Variants in PKHD1 observed in about 807,000 individuals in gnomAD.
PKHD1 encodes the protein fibrocystin.
PKHD1 carries 291 observed loss-of-function variants against 412.0 expected under a neutral mutation model. The observed-to-expected ratio is 0.71, with a 90% confidence interval of 0.64 to 0.78. The LOEUF is 0.78. Ranked by LOEUF, PKHD1 falls within the 30% of genes least tolerant of loss-of-function variation. The pLI is 0.00. For synonymous variants in PKHD1, 1,777 were observed against 1,821.5 expected (o/e 0.98, Z 0.62); for missense variants, 4,825 against 4,950.7 (o/e 0.97, Z 0.76).
Position 52,043,004 on chromosome 6 carries a change from C to G in PKHD1, c.2952G>C (p.Gln984His). ...GCATTCCAACAGGTAGCAAATCTGT[C>G]TGACAGACTACATTGGTCTGGTTTG... Reference protein sequence around the residue: ...IFSNQTNVVCQTDLLPVGMHR... With the variant: ...IFSNQTNVVCHTDLLPVGMHR... Residue 984 changes from glutamine (Q) to histidine (H), a missense_variant, in exon 27 of 67, where the codon CAG becomes CAC. Physicochemically the swap from Gln to His is conservative, Grantham distance 24. Transcript: ENST00000371117. The G allele has an allele frequency of 6.2e-7, 1 of 1,614,098 alleles. No individual in the cohort carries two copies. The highest frequency in any genetic ancestry group is 8.5e-7 in the Non-Finnish European group (1 of 1,179,948).
At chr6:51,815,676 C>T (rs74971008) in intron 52 of PKHD1, among the ~76,000 whole-genome samples, 4,072 of 152,228 alleles carry the variant, frequency 0.027, 186 homozygotes, top group African/African-American at 0.093. Context: ...CGTTTGAAAT[C>T]GACTCTGAAA....
intron 55 of PKHD1, among the ~76,000 whole-genome samples, chr6:51,771,484 T>C (rs1337263105): frequency 1.3e-5 from 2 of 151,956 alleles, no homozygotes; most frequent in African/African-American, 4.8e-5. Context: ...CTGGGCATGG[T>C]GGTGTGTGCC....
At chr6:52,036,363 C>T (rs1381283047) in intron 27 of PKHD1, among the ~76,000 whole-genome samples, 1 of 152,242 alleles carries the variant, frequency 6.6e-6, no homozygotes, top group African/African-American at 2.4e-5. Context: ...CACAGAAATC[C>T]CCATTTCTTC....
At chr6:51,706,449 T>TTA (rs751156110) in intron 60 of PKHD1, among the ~76,000 whole-genome samples, 24 of 148,834 alleles carry the variant, frequency 1.6e-4, no homozygotes, top group Admixed American at 6.8e-4. Context: ...AAGGATAACT[T>TTA]TATATATATA....
At chr6:51,899,967 G>C (rs1780948315) in intron 43 of PKHD1, among the ~76,000 whole-genome samples, 1 of 152,062 alleles carries the variant, frequency 6.6e-6, no homozygotes, top group African/African-American at 2.4e-5. Context: ...CAAGGGATGT[G>C]AAGGACCTCT....
intron 60 of PKHD1, among the ~76,000 whole-genome samples, chr6:51,722,271 T>C (rs952624967): frequency 6.6e-6 from 1 of 152,180 alleles, no homozygotes; most frequent in Non-Finnish European, 1.5e-5. Context: ...CTTACATTGC[T>C]TTATATTACA....
chr6:51,995,158 C>G (rs1455424420), intron 35 of PKHD1, among the ~76,000 whole-genome samples: 1 of 152,080 alleles, frequency 6.6e-6, no homozygotes, highest in African/African-American at 2.4e-5. Flanking sequence ...GAAGCACTGC[C>G]TGTCATGTAA....
rs146860963 is a variant in PKHD1 at position 51,835,357 on chromosome 6, A to G, written c.8173+1047T>C. Among the ~76,000 whole-genome samples the G allele has an allele frequency of 2.2e-4, 33 of 152,344 alleles. No homozygotes were observed. In the East Asian group the frequency reaches 2.5e-3, roughly 12 times the overall value. ...AGCAAATCAAATCTCTCCTTGGAGA[A>G]TTTGAACATAGAAACTTTCAAAGAA... On this transcript the variant is annotated intron_variant, in intron 51 of 66. Transcript: ENST00000371117.
Position 52,033,124 on chromosome 6 carries a change from C to T in PKHD1, c.3270G>A (p.Gly1090=), listed in dbSNP as rs1225705824. ...CTCTGGGAAGAACTGCAGAATAGTC[C>T]CCTCTGATCACAGTCACATTCACAA... The part of the protein sequence containing the change: ...GRIVNVTVIR[G]DYSAVLPRAF... Residue 1090 remains glycine, a synonymous_variant, in exon 29 of 67, where the codon GGG becomes GGA. Transcript: ENST00000371117. The T allele has an allele frequency of 1.2e-6, 2 of 1,611,324 alleles. No individual in the cohort carries two copies. The highest frequency in any genetic ancestry group is 1.7e-6 in the Non-Finnish European group (2 of 1,177,732).
At chr6:52,067,012 A>G (rs1175486450) in intron 11 of PKHD1, among the ~76,000 whole-genome samples, 1 of 152,204 alleles carries the variant, frequency 6.6e-6, no homozygotes, top group Non-Finnish European at 1.5e-5. Context: ...TCAAGCTTTG[A>G]CATTTCTAAG....
At chr6:51,774,569 T>C (rs1790687354) in intron 54 of PKHD1, among the ~76,000 whole-genome samples, 1 of 151,836 alleles carries the variant, frequency 6.6e-6, no homozygotes, top group South Asian at 2.1e-4. Context: ...ATAAAATAAA[T>C]AGCATGCATG....
At chr6:51,854,227 C>T (rs1481199151) in intron 49 of PKHD1, among the ~76,000 whole-genome samples, 1 of 151,792 alleles carries the variant, frequency 6.6e-6, no homozygotes, top group Non-Finnish European at 1.5e-5. Context: ...CACTTCAGGC[C>T]CTATTCATCT....
rs12527920 is a variant in PKHD1, at chr6:51,831,038, C to T, written c.8174-49G>A. The T allele has an allele frequency of 2.8e-6, 4 of 1,442,040 alleles. No homozygotes were observed. In the South Asian group the frequency reaches 4.7e-5, roughly 17 times the overall value. 89.3% of individuals were successfully genotyped at this position (1,442,040 alleles called of 1,614,324 possible). On this transcript the variant is annotated intron_variant, in intron 51 of 66. Coordinates refer to ENST00000371117, the MANE Select transcript of PKHD1 (RefSeq NM_138694.4). ...AAAATCTAATCCATTGTGATAACTTCCAAATTCTATCCTTATTTTAGGATG... is the reference window on the plus strand; with the variant it reads ...AAAATCTAATCCATTGTGATAACTTTCAAATTCTATCCTTATTTTAGGATG...
intron 47 of PKHD1, among the ~76,000 whole-genome samples, chr6:51,868,593 G>C (rs917787532): frequency 2.6e-5 from 4 of 151,256 alleles, no homozygotes. Context: ...CTCTGGTCTA[G>C]TGGGAAATAG....
chr6:51,799,891 C>G (rs1401185672), intron 52 of PKHD1, among the ~76,000 whole-genome samples: 1 of 152,144 alleles, frequency 6.6e-6, no homozygotes, highest in Non-Finnish European at 1.5e-5. Context: ...GATGGACCAC[C>G]TCTAATTTAA....
chr6:51,990,457 T>C (rs1474642608), intron 35 of PKHD1, among the ~76,000 whole-genome samples: 1 of 152,176 alleles, frequency 6.6e-6, no homozygotes, highest in East Asian at 1.9e-4. Context: ...TCATAATAAA[T>C]CAGGGCAAGA....
At chr6:51,760,631 T>C (rs1787844454) in intron 55 of PKHD1, among the ~76,000 whole-genome samples, 1 of 152,056 alleles carries the variant, frequency 6.6e-6, no homozygotes, top group South Asian at 2.1e-4. Context: ...CAAAAGTTGT[T>C]GTAGAGAGCC....
rs748020913 is a variant in PKHD1 at position 51,744,376 on chromosome 6, A to G, written c.10156+9T>C. On this transcript the variant is annotated intron_variant, in intron 60 of 66. Transcript: ENST00000371117. The stretch of plus-strand genomic sequence containing the variant: ...TCTACCACAGGCATTGCATTCAGAT[A>G]TAGCTTACCTGCGTTGAAGAAGGAT... 2 of 1,612,894 alleles carry G rather than the reference A, an allele frequency of 1.2e-6. No individual in the cohort carries two copies. Among genetic ancestry groups the G allele is most frequent in the Non-Finnish European group, 1.7e-6 (2 of 1,178,926 alleles).
chr6:51,703,496 G>A (rs1237564328), intron 60 of PKHD1, among the ~76,000 whole-genome samples: 5 of 151,968 alleles, frequency 3.3e-5, no homozygotes, highest in Admixed American at 2.6e-4. Flanking sequence ...GCACTAAAAT[G>A]AGGATTGACA....
Sources: allele counts gnomAD v4.1 joint callset (sites outside exome capture counted in the v4.1 genomes callset), GRCh38; gene constraint gnomAD v4.1.1; transcripts MANE v1.5; gene names NCBI Gene and HGNC (gene_info 2026-07-23, HGNC 2026-07-21).